PALM2AKAP2: variants seen among roughly 807,000 people sequenced by gnomAD.
The protein encoded by PALM2AKAP2 is PALM2 and AKAP2 fusion.
A neutral mutation model predicts 71.5 loss-of-function variants in PALM2AKAP2; 37 were observed. The ratio of observed to expected loss-of-function variants is 0.52; its 90% confidence interval spans 0.40 to 0.68. PALM2AKAP2 has a LOEUF of 0.68. PALM2AKAP2 is among the 30% of genes least tolerant of loss of function. The pLI, the probability that PALM2AKAP2 is intolerant of heterozygous loss-of-function variation, is 0.00. For missense variants in PALM2AKAP2, 1,224 were observed against 1,191.8 expected (o/e 1.03, Z -0.40); for synonymous variants, 468 against 478.8 (o/e 0.98, Z 0.29).
At position 110,105,577 on chromosome 9, in the gene PALM2AKAP2, T is replaced by C. The variant is rs182440076; in HGVS notation, c.157-30550T>C. Among the ~76,000 whole-genome samples the C allele has an allele frequency of 1.1e-3, 172 of 152,350 alleles. 1 individual carries two copies. Among genetic ancestry groups the C allele is most frequent in the African/African-American group, 3.9e-3 (163 of 41,586 alleles). ...TTAATTTTCAATAAGGTCCATTTGG[T>C]GGCTACAAATTAATCCATTTAAAAC... On this transcript the variant is annotated intron_variant, in intron 1 of 3. Coordinates refer to ENST00000374525, the Ensembl canonical transcript of PALM2AKAP2.
intron 1 of PALM2AKAP2, chr9:109,867,188 G>C (rs1185590364): frequency 1.2e-5 from 5 of 434,172 alleles, no homozygotes; most frequent in South Asian, 5.0e-5. Flanking sequence ...GTGTGTGTGT[G>C]TGTGTGTGTG....
At chr9:109,879,749 T>A (rs561279595) in intron 2 of PALM2AKAP2, among the ~76,000 whole-genome samples, 140 of 148,080 alleles carry the variant, frequency 9.5e-4, no homozygotes, top group African/African-American at 3.3e-3. Flanking sequence ...CAGGCTGGAG[T>A]GCAGTGGCAC....
chr9:109,828,827 CT>C (rs1425455291), intron 1 of PALM2AKAP2, among the ~76,000 whole-genome samples: 2 of 152,206 alleles, frequency 1.3e-5, no homozygotes, highest in African/African-American at 2.4e-5. Context: ...GCACGTGGAT[CT>C]CATAATGAAA....
intron 1 of PALM2AKAP2, among the ~76,000 whole-genome samples, chr9:109,756,730 A>G (rs150103897): frequency 2.0e-5 from 3 of 152,264 alleles, no homozygotes; most frequent in African/African-American, 7.2e-5. Flanking sequence ...TGGATATCCC[A>G]TTATTTCACC....
intron 1 of PALM2AKAP2, among the ~76,000 whole-genome samples, chr9:110,124,375 T>G (rs1835551512): frequency 6.6e-6 from 1 of 152,264 alleles, no homozygotes; most frequent in East Asian, 1.9e-4. Context: ...CCCAGTTTAC[T>G]GTAAATCTCA....
chr9:109,740,338 A>G (rs1828699067), intron 1 of PALM2AKAP2, among the ~76,000 whole-genome samples: 1 of 152,204 alleles, frequency 6.6e-6, no homozygotes, highest in Non-Finnish European at 1.5e-5. Flanking sequence ...ATAGCAAATA[A>G]GTAGGGTGAG....
chr9:109,779,877 C>T (rs1038977572), upstream of PALM2AKAP2, among the ~76,000 whole-genome samples: 1 of 152,192 alleles, frequency 6.6e-6, no homozygotes, highest in Non-Finnish European at 1.5e-5. Context: ...TCGGGTCCCA[C>T]ATTCGGTCAG....
chr9:109,723,210 A>G (rs372055917), intron 1 of PALM2AKAP2, among the ~76,000 whole-genome samples: 1 of 152,226 alleles, frequency 6.6e-6, no homozygotes, highest in East Asian at 1.9e-4. Context: ...GTATCTGCTT[A>G]AAGGCCCATC....
At chr9:109,662,295 C>T (rs1298979843) in intron 1 of PALM2AKAP2, among the ~76,000 whole-genome samples, 1 of 152,178 alleles carries the variant, frequency 6.6e-6, no homozygotes, top group African/African-American at 2.4e-5. Flanking sequence ...ATGATATTGG[C>T]TGTGGATTTG....
intron 3 of PALM2AKAP2, among the ~76,000 whole-genome samples, chr9:109,881,840 C>CTGGA (rs1455416713): frequency 3.3e-5 from 5 of 149,976 alleles, no homozygotes; most frequent in Non-Finnish European, 7.4e-5. Flanking sequence ...ATCTCACCAC[C>CTGGA]TGGAGCTTCA....
chr9:109,719,577 G>A (rs1293494798), intron 1 of PALM2AKAP2, among the ~76,000 whole-genome samples: 1 of 152,172 alleles, frequency 6.6e-6, no homozygotes, highest in African/African-American at 2.4e-5. Context: ...GTGGAAGAGG[G>A]TCACCAGTAT....
At chr9:109,704,251 T>C (rs1828107681) in intron 1 of PALM2AKAP2, among the ~76,000 whole-genome samples, 1 of 152,232 alleles carries the variant, frequency 6.6e-6, no homozygotes, top group African/African-American at 2.4e-5. Flanking sequence ...ACTATGACCA[T>C]GAAGTCAGCA....
At chr9:110,138,424 T>G (rs542301338) in exon 2 of PALM2AKAP2, 1 of 1,614,082 alleles carries the variant, frequency 6.2e-7, no homozygotes, top group Admixed American at 1.7e-5. Context: ...TCCGAGCAGC[T>G]CAGGAAAGGG....
intron 2 of PALM2AKAP2, among the ~76,000 whole-genome samples, chr9:110,154,370 A>G (rs1321055524): frequency 6.6e-6 from 1 of 152,208 alleles, no homozygotes; most frequent in Non-Finnish European, 1.5e-5. Context: ...CCACTGTGCT[A>G]TATTGTTTCT....
intron 1 of PALM2AKAP2, among the ~76,000 whole-genome samples, chr9:110,058,694 T>C (rs919541930): frequency 1.3e-5 from 2 of 152,194 alleles, no homozygotes; most frequent in Non-Finnish European, 2.9e-5. Flanking sequence ...CCACTTCCAC[T>C]GGTGGACACA....
At chr9:110,096,943 T>TATTC (rs1381733408) in intron 1 of PALM2AKAP2, among the ~76,000 whole-genome samples, 2 of 142,174 alleles carry the variant, frequency 1.4e-5, no homozygotes, top group African/African-American at 6.0e-5. Context: ...TTTATTTATT[T>TATTC]ATTTATTTAT....
intron 7 of PALM2AKAP2, among the ~76,000 whole-genome samples, chr9:110,021,696 A>G (rs1198577727): frequency 6.6e-6 from 1 of 151,424 alleles, no homozygotes; most frequent in Non-Finnish European, 1.5e-5. Context: ...AATAGCTTCT[A>G]TTTTATATCC....
At chr9:110,031,328 C>T (rs929650605) in intron 7 of PALM2AKAP2, among the ~76,000 whole-genome samples, 1 of 152,082 alleles carries the variant, frequency 6.6e-6, no homozygotes, top group Non-Finnish European at 1.5e-5. Context: ...CAGGGTTTCA[C>T]CATGTTGGCC....
chr9:110,166,230 G>C (rs1200269224), intron 3 of PALM2AKAP2, among the ~76,000 whole-genome samples: 1 of 152,142 alleles, frequency 6.6e-6, no homozygotes, highest in South Asian at 2.1e-4. Context: ...TTATGCTGTA[G>C]TTTTTATGAT....
Sources: gnomAD v4.1 joint callset for allele counts (sites outside exome capture counted in the v4.1 genomes callset) on GRCh38, gnomAD v4.1.1 for gene constraint, MANE v1.5 for transcripts, NCBI Gene and HGNC (gene_info 2026-07-23, HGNC 2026-07-21) for gene names.